Variants in NPSR1 observed in about 807,000 individuals in gnomAD.
NPSR1 encodes the protein neuropeptide S receptor 1, also known as neuropeptide S receptor.
Under a neutral mutation model 46.9 loss-of-function variants are expected in NPSR1, and 48 were observed. That is an observed-to-expected ratio of 1.02 (90% confidence interval 0.81 to 1.30). NPSR1 has a LOEUF of 1.30. Among genes scored for constraint, NPSR1 ranks in the 50% most tolerant of loss-of-function variants. The probability of loss-of-function intolerance (pLI) is 0.00; values close to 1 mark genes in which losing one functional copy is unlikely to be tolerated. For missense variants in NPSR1, 450 were observed against 449.5 expected, an observed-to-expected ratio of 1.00 and a Z score of -0.01; for synonymous variants, 176 against 168.1, an observed-to-expected ratio of 1.05 and a Z score of -0.36.
chr7:34,761,964 AG>A (rs1786195776), intron 2 of NPSR1, among the ~76,000 whole-genome samples: 1 of 152,118 alleles, frequency 6.6e-6, no homozygotes, highest in African/African-American at 2.4e-5. Context: ...TGAGCACAGG[AG>A]TTTTTTGTGG....
intron 3 of NPSR1, among the ~76,000 whole-genome samples, chr7:34,809,403 A>G (rs1424861627): frequency 6.7e-6 from 1 of 150,008 alleles, no homozygotes; most frequent in African/African-American, 2.5e-5. Flanking sequence ...CAGGTTTCTT[A>G]TACAGGTAAA....
At position 34,674,394 on chromosome 7, in the gene NPSR1, C is replaced by T. The variant is rs118053559; in HGVS notation, c.148-10158C>T. Among the ~76,000 whole-genome samples the T allele has an allele frequency of 1.6e-4, 24 of 152,278 alleles. No individual in the cohort carries two copies. In the East Asian group the frequency reaches 4.2e-3, roughly 27 times the overall value. ...CTCTGTGTTACACTGTGACTGATCC[C>T]TAATAAAATTAGAGATTTTCAATCT... is the stretch of plus-strand genomic sequence containing the variant. On this transcript the variant is annotated intron_variant, in intron 1 of 8. Coordinates refer to ENST00000360581, the MANE Select transcript of NPSR1 (RefSeq NM_207172.2).
intron 2 of NPSR1, chr7:34,751,922 C>A: frequency 7.1e-7 from 1 of 1,405,582 alleles, no homozygotes. Flanking sequence ...ACTCAAACAA[C>A]TTGTGTTCCT....
At chr7:34,751,067 C>T in intron 2 of NPSR1, 1 of 785,322 alleles carries the variant, frequency 1.3e-6, no homozygotes, top group East Asian at 2.4e-5. Flanking sequence ...TCTCACTCAC[C>T]TGCCCCTTTA....
At chr7:34,769,918 T>C (rs1312197508) in intron 2 of NPSR1, among the ~76,000 whole-genome samples, 1 of 152,220 alleles carries the variant, frequency 6.6e-6, no homozygotes, top group Non-Finnish European at 1.5e-5. Flanking sequence ...CAAGGTCTTG[T>C]TAATTATCAT....
At chr7:34,690,709 G>A (rs980237781) in intron 2 of NPSR1, among the ~76,000 whole-genome samples, 1 of 152,134 alleles carries the variant, frequency 6.6e-6, no homozygotes, top group African/African-American at 2.4e-5. Flanking sequence ...GAAATGCCTA[G>A]TGCCTTTGAT....
chr7:34,733,363 G>C (rs1256349816), intron 2 of NPSR1, among the ~76,000 whole-genome samples: 1 of 149,672 alleles, frequency 6.7e-6, no homozygotes, highest in Non-Finnish European at 1.5e-5. Context: ...AAGTTGCAGT[G>C]AGCCACGATC....
At chr7:34,855,302 A>G (rs1791027302) in intron 8 of NPSR1, among the ~76,000 whole-genome samples, 1 of 152,094 alleles carries the variant, frequency 6.6e-6, no homozygotes, top group Non-Finnish European at 1.5e-5. Flanking sequence ...AAAAGCCTCA[A>G]CAAAGATCAA....
intron 2 of NPSR1, among the ~76,000 whole-genome samples, chr7:34,764,234 T>C (rs1214077749): frequency 6.6e-6 from 1 of 152,356 alleles, no homozygotes; most frequent in South Asian, 2.1e-4. Flanking sequence ...AATGTTTTAA[T>C]CAGTTAAACA....
intron 8 of NPSR1, 77 bp downstream of exon 8, chr7:34,848,740 T>G: frequency 2.3e-6 from 3 of 1,306,636 alleles, no homozygotes; most frequent in Non-Finnish European, 3.2e-6. Flanking sequence ...GGGTTTCTCA[T>G]GTCCAAACTC....
chr7:34,777,691 T>C lies in NPSR1; in HGVS notation c.281-771T>C, dbSNP rs755720903. 6.2e-4 allele frequency among the ~76,000 whole-genome samples: 94 copies of C among 152,234 alleles called. 1 individual carries two copies. The highest frequency in any genetic ancestry group is 5.4e-4 in the Non-Finnish European group (37 of 68,012). ...TGCAACCTTGCCTGCAGCACTCTTT[T>C]GAGAAAGATTCTGGATTACGTGATA... On this transcript the variant is annotated intron_variant, in intron 2 of 8. Transcript: ENST00000360581.
At chr7:34,737,258 C>T (rs1724200737) in intron 2 of NPSR1, among the ~76,000 whole-genome samples, 1 of 152,190 alleles carries the variant, frequency 6.6e-6, no homozygotes, top group East Asian at 1.9e-4. Flanking sequence ...TAGATCTTCG[C>T]TCCAAAAATC....
chr7:34,788,495 A>G (rs879585103), intron 3 of NPSR1, among the ~76,000 whole-genome samples: 1 of 152,156 alleles, frequency 6.6e-6, no homozygotes, highest in African/African-American at 2.4e-5. Flanking sequence ...TGGAAACCAA[A>G]ATAGATGAGG....
At position 34,751,935 on chromosome 7, in the gene NPSR1, G is replaced by A. The variant is rs534403155; in HGVS notation, c.281-26527G>A. On this transcript the variant is annotated intron_variant, in intron 2 of 8. Transcript: ENST00000360581. Reference sequence around the variant, plus strand: ...TCACTCAAACAACTTGTGTTCCTGAGGCAACTGGAAGTGGGGGTGACGTTT... The same window carrying A: ...TCACTCAAACAACTTGTGTTCCTGAAGCAACTGGAAGTGGGGGTGACGTTT... 124 of 1,312,898 alleles carry A rather than the reference G, an allele frequency of 9.4e-5. No individual in the cohort carries two copies. In the African/African-American group the frequency reaches 1.2e-3, roughly 13 times the overall value. 81.3% of individuals were successfully genotyped at this position (1,312,898 alleles called of 1,614,324 possible).
intron 4 of NPSR1, among the ~76,000 whole-genome samples, chr7:34,815,980 C>T (rs1189828540): frequency 6.6e-6 from 1 of 152,158 alleles, no homozygotes. Flanking sequence ...TTGTAAAGAC[C>T]ATTGATGCTA....
At chr7:34,822,622 A>G (rs967676909) in intron 4 of NPSR1, among the ~76,000 whole-genome samples, 1 of 152,258 alleles carries the variant, frequency 6.6e-6, no homozygotes, top group Non-Finnish European at 1.5e-5. Flanking sequence ...TGGAACCAGA[A>G]TAACACATAT....
chr7:34,841,340 G>C (rs575349354), intron 6 of NPSR1, among the ~76,000 whole-genome samples: 20 of 152,330 alleles, frequency 1.3e-4, no homozygotes, highest in African/African-American at 3.6e-4. Flanking sequence ...GAGGCCTGTG[G>C]TCTTGGGAAG....
At chr7:34,762,880 G>T (rs1786243955) in intron 2 of NPSR1, among the ~76,000 whole-genome samples, 1 of 152,160 alleles carries the variant, frequency 6.6e-6, no homozygotes, top group Non-Finnish European at 1.5e-5. Context: ...GTCATCTCAA[G>T]AAAAAGAGTT....
intron 2 of NPSR1, among the ~76,000 whole-genome samples, chr7:34,759,362 C>G (rs1786041255): frequency 6.6e-6 from 1 of 152,132 alleles, no homozygotes. Flanking sequence ...CCCTTCTCTC[C>G]CATTTTTAAA....
Sources: allele counts gnomAD v4.1 joint callset (sites outside exome capture counted in the v4.1 genomes callset), GRCh38; gene constraint gnomAD v4.1.1; transcripts MANE v1.5; gene names NCBI Gene and HGNC (gene_info 2026-07-23, HGNC 2026-07-21).